DENND1B: variants seen among roughly 807,000 people sequenced by gnomAD.
The protein encoded by DENND1B is DENN domain-containing protein 1B.
In DENND1B, 59 loss-of-function variants were observed where a neutral mutation model predicts 90.1. The observed-to-expected ratio is 0.65, with a 90% confidence interval of 0.53 to 0.81. The LOEUF (loss-of-function observed/expected upper bound fraction) is 0.81. Among genes scored for constraint, DENND1B ranks in the 40% least tolerant of loss-of-function variants. The pLI is 0.00. For synonymous variants in DENND1B, 337 were observed against 324.6 expected (o/e 1.04, Z -0.41); for missense variants, 862 against 912.6 (o/e 0.94, Z 0.71).
At position 197,663,430 on chromosome 1, in the gene DENND1B, A is replaced by G. The variant is rs74334361; in HGVS notation, c.297-5061T>C. 4.9e-3 allele frequency among the ~76,000 whole-genome samples: 752 copies of G among 152,264 alleles called. 19 individuals carry two copies. Among genetic ancestry groups the G allele is most frequent in the East Asian group, 0.049 (255 of 5,192 alleles). On this transcript the variant is annotated intron_variant, in intron 5 of 22. Transcript: ENST00000620048. ...TCCTAGAAACGTCAAGAAAGCAAGG[A>G]CATTTTCTGTTGTAAATAAACAAGC... is the stretch of plus-strand genomic sequence containing the variant.
intron 10 of DENND1B, among the ~76,000 whole-genome samples, chr1:197,626,060 C>A (rs183640231): frequency 6.6e-6 from 1 of 152,162 alleles, no homozygotes; most frequent in African/African-American, 2.4e-5. Flanking sequence ...TAGATTCCCA[C>A]ACAATAATAA....
At chr1:197,747,184 T>G in intron 2 of DENND1B, 1 of 737,730 alleles carries the variant, frequency 1.4e-6, no homozygotes, top group South Asian at 1.4e-5. Context: ...TGCGTTTTTC[T>G]GTTCAGAATG....
At chr1:197,546,893 G>T (rs1233503211) in intron 16 of DENND1B, 120 bp from the exon 17 acceptor site, 8 of 736,554 alleles carry the variant, frequency 1.1e-5, no homozygotes, top group Non-Finnish European at 1.8e-5. Context: ...ATGCAATGTT[G>T]AAAAGTAGTT....
chr1:197,738,983 C>T (rs779758480), intron 2 of DENND1B, among the ~76,000 whole-genome samples: 2 of 152,172 alleles, frequency 1.3e-5, no homozygotes, highest in Non-Finnish European at 2.9e-5. Flanking sequence ...AGAACAGAGA[C>T]GAAGCTGCAC....
intron 15 of DENND1B, among the ~76,000 whole-genome samples, chr1:197,570,942 G>A (rs1293746746): frequency 2.6e-5 from 4 of 152,104 alleles, no homozygotes; most frequent in Non-Finnish European, 2.9e-5. Context: ...AACCTATTGA[G>A]AAAATTGATA....
chr1:197,781,310 G>A, the DENND1B span, among the ~76,000 whole-genome samples: 1 of 151,970 alleles, frequency 6.6e-6, no homozygotes, highest in Non-Finnish European at 1.5e-5. Flanking sequence ...TCCAAGTCAG[G>A]CATTTCCTAG....
At chr1:197,593,348 ACTC>A (rs1382615388) in intron 14 of DENND1B, among the ~76,000 whole-genome samples, 1 of 150,904 alleles carries the variant, frequency 6.6e-6, no homozygotes, top group Non-Finnish European at 1.5e-5. Context: ...AAATGAAAAT[ACTC>A]CTAAAAAAAA....
In DENND1B at chr1:197,510,739, T is replaced by A. The variant is rs1303912076; in HGVS notation, c.2049A>T (p.Gly683=). 6.2e-7 allele frequency: 1 copy of A among 1,612,736 alleles called. No homozygotes were observed. Among genetic ancestry groups the A allele is most frequent in the Non-Finnish European group, 8.5e-7 (1 of 1,179,176 alleles). The part of the protein sequence containing the change: ...GADNVSDPTS[G]LDFQLTSPEV... ...CAGGGGAAGTGAGTTGGAAATCCAG[T>A]CCTGAAGTAGGGTCACTCACATTGT... The change falls in exon 23 of 23, where the codon GGA becomes GGT. Residue 683 remains glycine, a synonymous_variant. Coordinates refer to ENST00000620048, the MANE Select transcript of DENND1B (RefSeq NM_001195215.2).
At chr1:197,678,378 A>G (rs567020557) in intron 3 of DENND1B, among the ~76,000 whole-genome samples, 6 of 152,358 alleles carry the variant, frequency 3.9e-5, no homozygotes, top group Admixed American at 3.3e-4. Flanking sequence ...ACACTTTCAG[A>G]ATCATTTTGC....
rs534982180 is a variant in DENND1B, at chr1:197,627,737, T to C, written c.673-9978A>G. On this transcript the variant is annotated intron_variant, in intron 10 of 22. Transcript: ENST00000620048. ...TCAATTAGGAAAAGAGGAAGTCAAA[T>C]TGTCCCTGTTTGCAGATGACATTAT... Among the ~76,000 whole-genome samples, 221 of 152,206 alleles carry C rather than the reference T, an allele frequency of 1.5e-3. 2 individuals are homozygous for C. The highest frequency in any genetic ancestry group is 5.1e-3 in the African/African-American group (211 of 41,534).
chr1:197,689,378 G>A (rs1657610395), intron 3 of DENND1B: 1 of 151,900 alleles, frequency 6.6e-6, no homozygotes, highest in African/African-American at 2.4e-5. Flanking sequence ...CTCTCACCAG[G>A]TCCCTCCCAC....
At chr1:197,680,171 CA>C in intron 3 of DENND1B, among the ~76,000 whole-genome samples, 1 of 150,850 alleles carries the variant, frequency 6.6e-6, no homozygotes, top group Non-Finnish European at 1.5e-5. Context: ...AGCTTTTAAG[CA>C]GAGATTTGAA....
chr1:197,511,990 G>A (rs773899241), intron 21 of DENND1B, 46 bp from the exon 22 acceptor site: 3 of 1,439,890 alleles, frequency 2.1e-6, no homozygotes, highest in East Asian at 2.3e-5. Context: ...AACCATATTT[G>A]CTGCATGTAA....
chr1:197,698,414 GTGT>G (rs1269394936), intron 3 of DENND1B, among the ~76,000 whole-genome samples: 3 of 152,090 alleles, frequency 2.0e-5, no homozygotes, highest in Non-Finnish European at 4.4e-5. Flanking sequence ...AGCGAAAGCA[GTGT>G]TAAGAGGAAA....
In DENND1B at chr1:197,510,232, T is replaced by G. The variant is rs188581022; in HGVS notation, c.*228A>C. 1.2e-4 allele frequency: 66 copies of G among 537,930 alleles called. No individual in the cohort carries two copies. The highest frequency in any genetic ancestry group is 9.8e-4 in the Admixed American group (27 of 27,482). The allele number at this position is 537,930 out of a possible 1,614,324, so 33.3% of individuals were successfully genotyped here. ...GGGAAATCTCATGGTCAATACATAC[T>G]TTAAACATACATACACACTAGTACC... On this transcript the variant is annotated 3_prime_UTR_variant, in exon 23 of 23. Coordinates refer to ENST00000620048, the MANE Select transcript of DENND1B (RefSeq NM_001195215.2).
At chr1:197,703,057 A>G (rs1659191989) in intron 3 of DENND1B, among the ~76,000 whole-genome samples, 1 of 151,976 alleles carries the variant, frequency 6.6e-6, no homozygotes, top group Non-Finnish European at 1.5e-5. Flanking sequence ...GCAGCATCTC[A>G]GCTCACTGCA....
intron 15 of DENND1B, among the ~76,000 whole-genome samples, chr1:197,582,123 C>A (rs1330149051): frequency 2.6e-5 from 4 of 152,130 alleles, no homozygotes; most frequent in Non-Finnish European, 5.9e-5. Context: ...TACAGGATAA[C>A]CTTAACCCTT....
At chr1:197,698,262 C>T (rs539323445) in intron 3 of DENND1B, among the ~76,000 whole-genome samples, 1 of 152,216 alleles carries the variant, frequency 6.6e-6, no homozygotes, top group East Asian at 1.9e-4. Context: ...TTAAGACATT[C>T]ACTCGAAACC....
intron 3 of DENND1B, among the ~76,000 whole-genome samples, chr1:197,713,799 TA>T (rs1353233453): frequency 9.0e-4 from 40 of 44,688 alleles, no homozygotes; most frequent in East Asian, 2.8e-3. Flanking sequence ...AATATTATTA[TA>T]TTATAATATA....
Sources: gnomAD v4.1 joint callset for allele counts (sites outside exome capture counted in the v4.1 genomes callset) on GRCh38, gnomAD v4.1.1 for gene constraint, MANE v1.5 for transcripts, NCBI Gene and HGNC (gene_info 2026-07-23, HGNC 2026-07-21) for gene names.